Variants in PRKN observed in about 807,000 individuals in gnomAD.
PRKN encodes parkin RBR E3 ubiquitin protein ligase.
A neutral mutation model predicts 59.5 loss-of-function variants in PRKN; 56 were observed. The ratio of observed to expected loss-of-function variants is 0.94; its 90% CI spans 0.76 to 1.18. The LOEUF is 1.18. Among genes scored for constraint, PRKN ranks in the 50% most tolerant of loss-of-function variants. The pLI, the probability that PRKN is intolerant of heterozygous loss-of-function variation, is 0.00. For synonymous variants in PRKN, 250 were observed against 222.1 expected, an observed-to-expected ratio of 1.13 and a Z score of -1.12; for missense variants, 657 against 596.4, an observed-to-expected ratio of 1.10 and a Z score of -1.06.
intron 10 of PRKN, among the ~76,000 whole-genome samples, chr6:161,381,641 G>A (rs1785989716): frequency 6.6e-6 from 1 of 152,184 alleles, no homozygotes; most frequent in Non-Finnish European, 1.5e-5. Context: ...ACATAATCCA[G>A]CCCTGAAGCT....
chr6:162,193,008 A>C (rs1784348074), intron 4 of PRKN, among the ~76,000 whole-genome samples: 1 of 152,136 alleles, frequency 6.6e-6, no homozygotes, highest in Non-Finnish European at 1.5e-5. Flanking sequence ...CCTTTTTCTT[A>C]AAGAGTAGTG....
At chr6:161,613,396 C>G (rs1387806423) in intron 7 of PRKN, among the ~76,000 whole-genome samples, 16 of 151,652 alleles carry the variant, frequency 1.1e-4, no homozygotes, top group Admixed American at 1.1e-3. Context: ...GAATCTACTT[C>G]TGGTGAAGAC....
chr6:162,347,291 C>G (rs767114339), intron 2 of PRKN, among the ~76,000 whole-genome samples: 62 of 151,182 alleles, frequency 4.1e-4, no homozygotes, highest in Non-Finnish European at 7.7e-4. Context: ...CCTTGAAGAG[C>G]CATTATAGCC....
chr6:162,553,428 G>C (rs1393662093), intron 1 of PRKN, among the ~76,000 whole-genome samples: 1 of 151,340 alleles, frequency 6.6e-6, no homozygotes, highest in Non-Finnish European at 1.5e-5. Flanking sequence ...ATATAGGGGG[G>C]GTGCTGTAGA....
chr6:161,770,612 C>T (rs963495013), intron 7 of PRKN, among the ~76,000 whole-genome samples: 7 of 152,170 alleles, frequency 4.6e-5, no homozygotes, highest in South Asian at 4.2e-4. Flanking sequence ...GGATTACAGG[C>T]GTGCACCACC....
intron 1 of PRKN, among the ~76,000 whole-genome samples, chr6:162,579,449 T>C (rs531721492): frequency 1.7e-4 from 26 of 151,292 alleles, no homozygotes; most frequent in South Asian, 1.3e-3. Context: ...CACACAGAAA[T>C]TGACACACCC....
rs531479137 is a variant in PRKN at position 162,374,411 on chromosome 6, T to C, written c.171+68899A>G. ...TATAGTTTTTTTTTTTTTTTAAGTTTTAGTTTGTTTATGTGATATTTAGTA... is the reference window on the plus strand; with the variant it reads ...TATAGTTTTTTTTTTTTTTTAAGTTCTAGTTTGTTTATGTGATATTTAGTA... On this transcript the variant is annotated intron_variant, in intron 2 of 11. Transcript: ENST00000366898. Among the ~76,000 whole-genome samples, 24 of 151,810 alleles carry C rather than the reference T, an allele frequency of 1.6e-4. 1 individual carries two copies. The South Asian group carries it at 5.0e-3, about 32-fold the overall frequency.
chr6:161,692,527 G>A (rs984736143), intron 7 of PRKN, among the ~76,000 whole-genome samples: 2 of 152,176 alleles, frequency 1.3e-5, no homozygotes, highest in Non-Finnish European at 2.9e-5. Context: ...GGATCTTTGT[G>A]ATGGGAAACT....
At chr6:162,240,323 C>T (rs1434057126) in intron 3 of PRKN, among the ~76,000 whole-genome samples, 2 of 152,180 alleles carry the variant, frequency 1.3e-5, no homozygotes, top group African/African-American at 4.8e-5. Context: ...AAAGCTGTTA[C>T]AGAACAGACC....
intron 3 of PRKN, among the ~76,000 whole-genome samples, chr6:162,259,962 T>A (rs1006358514): frequency 1.4e-4 from 21 of 152,288 alleles, no homozygotes; most frequent in African/African-American, 4.8e-4. Context: ...GAGGATTACT[T>A]GTAGTTTAGC....
At chr6:161,595,971 C>G (rs1004049405) in intron 7 of PRKN, among the ~76,000 whole-genome samples, 3 of 152,210 alleles carry the variant, frequency 2.0e-5, no homozygotes, top group Admixed American at 6.5e-5. Context: ...ATACCTGCAA[C>G]TAATGTTGTC....
chr6:161,484,401 C>T lies in PRKN; in HGVS notation c.1083+64453G>A, dbSNP rs1418320074. ...GCTATTTGTATCATTATTTCCTTTA[C>T]TAACAATAACTAAGATGCACTGGGT... On this transcript the variant is annotated intron_variant, in intron 9 of 11. Coordinates refer to ENST00000366898, the MANE Select transcript of PRKN (RefSeq NM_004562.3). The surrounding 1 kb of genome is among the most constrained non-coding windows in gnomAD (Gnocchi z 4.9). Among the ~76,000 whole-genome samples, 1 of 152,162 alleles carries T rather than the reference C, an allele frequency of 6.6e-6. No individual in the cohort carries two copies. Among genetic ancestry groups the T allele is most frequent in the Non-Finnish European group, 1.5e-5 (1 of 68,032 alleles).
chr6:161,700,560 C>T (rs888029870), intron 7 of PRKN, among the ~76,000 whole-genome samples: 1 of 152,170 alleles, frequency 6.6e-6, no homozygotes, highest in African/African-American at 2.4e-5. Flanking sequence ...GAGGCTACAA[C>T]TTCCCCATTT....
intron 6 of PRKN, among the ~76,000 whole-genome samples, chr6:161,882,267 T>C (rs540913689): frequency 4.4e-4 from 67 of 152,338 alleles, no homozygotes; most frequent in Non-Finnish European, 6.2e-4. Context: ...TGTTGTCATT[T>C]TCCCACAGGT....
chr6:162,205,650 TA>T (rs917508390), intron 3 of PRKN, among the ~76,000 whole-genome samples: 2 of 152,110 alleles, frequency 1.3e-5, no homozygotes, highest in African/African-American at 4.8e-5. Context: ...CATGAGCTAT[TA>T]AAATATTAAG....
chr6:161,667,833 CCT>C (rs1488935641), intron 7 of PRKN, among the ~76,000 whole-genome samples: 1 of 152,078 alleles, frequency 6.6e-6, no homozygotes, highest in Non-Finnish European at 1.5e-5. Context: ...TTCTTCATTT[CCT>C]AAATTTCATA....
rs2128210541 is a variant in PRKN at position 161,800,888 on chromosome 6, A to G, written c.735-14980T>C. Among the ~76,000 whole-genome samples the G allele has an allele frequency of 2.0e-5, 3 of 152,230 alleles. 1 individual carries two copies. The South Asian group carries it at 6.2e-4, about 32-fold the overall frequency. On this transcript the variant is annotated intron_variant, in intron 6 of 11. Coordinates refer to ENST00000366898, the MANE Select transcript of PRKN (RefSeq NM_004562.3). ...TCCTGCTAAGTGCTTTCTCGGCATC[A>G]CTATTTTAATCTGCAGAATGATCTG...
At chr6:161,415,490 C>G (rs1787795754) in intron 9 of PRKN, among the ~76,000 whole-genome samples, 1 of 151,790 alleles carries the variant, frequency 6.6e-6, no homozygotes, top group African/African-American at 2.4e-5. Context: ...TCAGATAATC[C>G]TGCGGCAGAG....
At chr6:161,677,214 G>A (rs1201358356) in intron 7 of PRKN, among the ~76,000 whole-genome samples, 2 of 151,974 alleles carry the variant, frequency 1.3e-5, no homozygotes, top group African/African-American at 2.4e-5. Flanking sequence ...TCTATTTTCC[G>A]ATCTGGAAAA....
Sources: allele counts gnomAD v4.1 joint callset (sites outside exome capture counted in the v4.1 genomes callset), GRCh38; gene constraint gnomAD v4.1.1; non-coding constraint Gnocchi (gnomAD v3.1); transcripts MANE v1.5; gene names NCBI Gene and HGNC (gene_info 2026-07-23, HGNC 2026-07-21).